The following PRKDC variants were observed in gnomAD, a reference collection of about 807,000 sequenced individuals.
PRKDC encodes the protein protein kinase, DNA-activated, catalytic subunit.
In PRKDC, 82 loss-of-function variants were observed where a neutral mutation model predicts 486.9. That is an observed-to-expected ratio of 0.17 (90% CI 0.14 to 0.20). The LOEUF (loss-of-function observed/expected upper bound fraction) is 0.20. PRKDC is among the 10% of genes least tolerant of loss of function. The pLI is 1.00. For synonymous variants in PRKDC, 1,895 were observed against 1,837.0 expected (o/e 1.03, Z -0.81); for missense variants, 4,504 against 5,038.2 (o/e 0.89, Z 3.21).
At chr8:47,909,718 G>C (rs1466036393) in intron 25 of PRKDC, among the ~76,000 whole-genome samples, 2 of 152,106 alleles carry the variant, frequency 1.3e-5, no homozygotes, top group Admixed American at 1.3e-4. Context: ...GCATTCCTAG[G>C]GGTAGGTCTA....
chr8:47,957,205 C>A lies in PRKDC; in HGVS notation c.290G>T (p.Gly97Val). The A allele has an allele frequency of 6.3e-7, 1 of 1,599,432 alleles. No homozygotes were observed. Among genetic ancestry groups the A allele is most frequent in the Non-Finnish European group, 8.6e-7 (1 of 1,169,060 alleles). Residue 97 changes from glycine to valine, a missense_variant, in exon 3 of 86, where the codon GGC (glycine) becomes GTC (valine). Transcript: ENST00000314191. ...KFLCIFLEKM[G>V]QKIAPYSVEI... is the part of the protein sequence containing the mutation. ...AACAGAGTAAGGTGCGATCTTCTGG[C>A]CCATTTTTTCTAAGAAAATACATAA...
intron 35 of PRKDC, among the ~76,000 whole-genome samples, chr8:47,886,706 A>C (rs1053229752): frequency 1.4e-5 from 2 of 138,164 alleles, no homozygotes; most frequent in Non-Finnish European, 3.2e-5. Context: ...TTGTTTTTTA[A>C]AGACAGGGTG....
At chr8:47,894,784 A>G (rs2089542266) in intron 30 of PRKDC, among the ~76,000 whole-genome samples, 1 of 152,206 alleles carries the variant, frequency 6.6e-6, no homozygotes, top group Non-Finnish European at 1.5e-5. Context: ...AAACCACTGA[A>G]GGAAGCTAGA....
chr8:47,907,511 T>A (rs991883465), intron 25 of PRKDC, among the ~76,000 whole-genome samples: 1 of 150,314 alleles, frequency 6.7e-6, no homozygotes, highest in Admixed American at 6.6e-5. Context: ...CTGTCGACTT[T>A]CAAAATATTT....
chr8:47,908,695 G>C (rs1348296541), intron 25 of PRKDC, among the ~76,000 whole-genome samples: 2 of 152,122 alleles, frequency 1.3e-5, no homozygotes, highest in Non-Finnish European at 2.9e-5. Flanking sequence ...TTTTCCCAGG[G>C]AACAAGCAGG....
chr8:47,928,854 G>T (rs2090201443), intron 19 of PRKDC, among the ~76,000 whole-genome samples: 2 of 152,022 alleles, frequency 1.3e-5, no homozygotes, highest in Non-Finnish European at 2.9e-5. Flanking sequence ...ACCACGCCTG[G>T]CTAATTTTTG....
At chr8:47,864,807 G>A (rs2088769095) in intron 40 of PRKDC, 44 bp from the exon 41 acceptor site, 3 of 1,467,178 alleles carry the variant, frequency 2.0e-6, no homozygotes, top group Non-Finnish European at 2.7e-6. Context: ...CTGCTTTGAA[G>A]AGGAACTTTA....
chr8:47,782,495 T>C lies in PRKDC; in HGVS notation c.11279A>G (p.Gln3760Arg). 6.3e-7 allele frequency: 1 copy of C among 1,580,522 alleles called. No individual in the cohort carries two copies. Among genetic ancestry groups the C allele is most frequent in the Non-Finnish European group, 8.6e-7 (1 of 1,163,684 alleles). The stretch of plus-strand genomic sequence containing the variant: ...GAAGAGCTGCTCCACGCGCTGGTCC[T>C]GCCGCAGGTCCTCGCCACCCTTCAC... ...FLVKGGEDLR[Q>R]DQRVEQLFQV... Residue 3760 changes from glutamine (Q) to arginine (R), a missense_variant, in exon 79 of 86, where the codon CAG becomes CGG. This residue lies in a region of PRKDC where 706 missense variants were observed against 945.0 expected (regional missense o/e 0.75). Transcript: ENST00000314191. This position sits in a 1 kb window ranked among gnomAD's most constrained non-coding sequence, Gnocchi z 4.9.
chr8:47,893,048 T>A, intron 31 of PRKDC, 91 bp downstream of exon 31: 1 of 1,423,766 alleles, frequency 7.0e-7, no homozygotes, highest in East Asian at 2.5e-5. Flanking sequence ...GCACCTACCA[T>A]CATGTCGCTG....
Position 47,777,886 on chromosome 8 carries a change from A to G in PRKDC, c.11854-12T>C. ...GGGACTGGCAGAAACTAAACAAGAA[A>G]AAAGGCAAGGAGCAGAATATGTAAG... is the stretch of plus-strand genomic sequence containing the variant. On this transcript the variant is annotated splice_polypyrimidine_tract_variant and intron_variant, in intron 83 of 85. Coordinates refer to ENST00000314191, the MANE Select transcript of PRKDC (RefSeq NM_006904.7). 1.2e-6 allele frequency: 2 copies of G among 1,612,312 alleles called. No individual in the cohort carries two copies. The highest frequency in any genetic ancestry group is 1.1e-5 in the South Asian group (1 of 90,930).
chr8:47,859,800 T>A, intron 45 of PRKDC, 41 bp from the exon 46 acceptor site: 2 of 1,528,652 alleles, frequency 1.3e-6, no homozygotes, highest in Non-Finnish European at 9.0e-7. Context: ...TATTCAAACA[T>A]AATTAGTAAG....
chr8:47,879,477 T>G lies in PRKDC; in HGVS notation c.5235+14A>C, dbSNP rs771780929. 6.5e-6 allele frequency: 10 copies of G among 1,542,992 alleles called. No homozygotes were observed. The African/African-American group carries it at 1.2e-4, about 19-fold the overall frequency. On this transcript the variant is annotated intron_variant, in intron 39 of 85. Coordinates refer to ENST00000314191, the MANE Select transcript of PRKDC (RefSeq NM_006904.7). ...ACAGTGTTTTAATTTTACTTGATAC[T>G]ACTAGAAACTAACCTTTTTCATGCA...
chr8:47,920,710 C>T (rs990574987), intron 21 of PRKDC, among the ~76,000 whole-genome samples: 3 of 152,130 alleles, frequency 2.0e-5, no homozygotes, highest in Non-Finnish European at 2.9e-5. Context: ...AAATATAACA[C>T]GAACATGCAC....
At chr8:47,900,033 T>C (rs1477042695) in intron 28 of PRKDC, among the ~76,000 whole-genome samples, 1 of 152,198 alleles carries the variant, frequency 6.6e-6, no homozygotes, top group Non-Finnish European at 1.5e-5. Context: ...CACATCCAGT[T>C]TCTTCAGCAC....
chr8:47,793,086 G>A (rs2154497930), intron 74 of PRKDC, among the ~76,000 whole-genome samples: 1 of 152,286 alleles, frequency 6.6e-6, no homozygotes. Flanking sequence ...ATCTCACTAT[G>A]TTGCCAAGGC....
chr8:47,821,500 C>A (rs1456917705), intron 65 of PRKDC, 104 bp downstream of exon 65: 2 of 1,128,874 alleles, frequency 1.8e-6, no homozygotes, highest in East Asian at 2.6e-5. Context: ...TTCCCTAGTG[C>A]TTCACAAGTA....
chr8:47,943,060 T>C (rs769205419), intron 10 of PRKDC, 149 bp downstream of exon 10: 595 of 1,021,510 alleles, frequency 5.8e-4, no homozygotes, highest in Non-Finnish European at 7.7e-4. Context: ...CTGCCTCCCA[T>C]ATGGCTGGCT....
intron 21 of PRKDC, 138 bp downstream of exon 21, chr8:47,927,056 T>C (rs1323763028): frequency 1.2e-6 from 1 of 853,298 alleles, no homozygotes; most frequent in African/African-American, 1.7e-5. Context: ...ATTAGGGAAA[T>C]TACAAAAATA....
intron 25 of PRKDC, among the ~76,000 whole-genome samples, chr8:47,911,381 C>T (rs1459116635): frequency 1.3e-5 from 2 of 152,232 alleles, no homozygotes; most frequent in Non-Finnish European, 2.9e-5. Flanking sequence ...CATTCTATCA[C>T]ATTAAACATC....
Sources: gnomAD v4.1 joint callset for allele counts (sites outside exome capture counted in the v4.1 genomes callset) on GRCh38, gnomAD v4.1.1 for gene constraint, gnomAD v4.1.1 regional missense constraint, Gnocchi (gnomAD v3.1) non-coding constraint, MANE v1.5 for transcripts, NCBI Gene and HGNC (gene_info 2026-07-23, HGNC 2026-07-21) for gene names.